Variants in VRK2 observed in about 807,000 individuals in gnomAD.
VRK2 encodes the protein VRK serine/threonine kinase 2.
In VRK2, 60 loss-of-function variants were observed where a neutral mutation model predicts 57.6. That is an observed-to-expected ratio of 1.04 (90% CI 0.85 to 1.29). The LOEUF is 1.29. VRK2 is among the 50% of genes most tolerant of loss of function. The probability of loss-of-function intolerance (pLI) is 0.00; values close to 1 mark genes in which losing one functional copy is unlikely to be tolerated. For synonymous variants in VRK2, 231 were observed against 199.2 expected, an observed-to-expected ratio of 1.16 and a Z score of -1.35; for missense variants, 705 against 588.1, an observed-to-expected ratio of 1.20 and a Z score of -2.06.
intron 1 of VRK2, among the ~76,000 whole-genome samples, chr2:57,955,827 G>A (rs1053273706): frequency 6.6e-6 from 1 of 152,010 alleles, no homozygotes. Context: ...GAAATATTAC[G>A]ATCATAATTT....
At chr2:58,048,190 C>T (rs1675153378) in intron 1 of VRK2, among the ~76,000 whole-genome samples, 1 of 152,172 alleles carries the variant, frequency 6.6e-6, no homozygotes, top group African/African-American at 2.4e-5. Context: ...TAAGGCAGGA[C>T]TGTTTTCACT....
At chr2:58,139,606 T>G in intron 10 of VRK2, 60 bp from the exon 11 acceptor site, 1 of 1,445,470 alleles carries the variant, frequency 6.9e-7, no homozygotes, top group Non-Finnish European at 9.5e-7. Flanking sequence ...TTGAGATTAC[T>G]GGAGTCTTGA....
chr2:58,090,968 A>G (rs183536700), intron 7 of VRK2, among the ~76,000 whole-genome samples: 28 of 152,352 alleles, frequency 1.8e-4, no homozygotes, highest in African/African-American at 6.5e-4. Context: ...GCTAGTTACT[A>G]TACAATTTCA....
At chr2:57,973,523 G>A (rs1211669437) in intron 1 of VRK2, among the ~76,000 whole-genome samples, 4 of 151,512 alleles carry the variant, frequency 2.6e-5, no homozygotes, top group African/African-American at 9.7e-5. Flanking sequence ...TCTATATAAC[G>A]AATTCTTTTT....
At chr2:58,120,629 T>G (rs1260244102) in intron 7 of VRK2, among the ~76,000 whole-genome samples, 1 of 152,132 alleles carries the variant, frequency 6.6e-6, no homozygotes, top group Non-Finnish European at 1.5e-5. Flanking sequence ...AACTTGACAG[T>G]CTTCTTCCTG....
At chr2:58,123,671 G>A (rs1444907355) in intron 8 of VRK2, among the ~76,000 whole-genome samples, 1 of 151,992 alleles carries the variant, frequency 6.6e-6, no homozygotes, top group African/African-American at 2.4e-5. Context: ...AGACCAGTTT[G>A]GGCAACATGG....
intron 7 of VRK2, among the ~76,000 whole-genome samples, chr2:58,109,292 C>A (rs946675857): frequency 6.6e-6 from 1 of 152,058 alleles, no homozygotes; most frequent in African/African-American, 2.4e-5. Context: ...CAGCCTTTAA[C>A]TGTGGAGCCA....
intron 10 of VRK2, among the ~76,000 whole-genome samples, chr2:58,136,704 A>G (rs929729577): frequency 3.3e-5 from 5 of 150,718 alleles, no homozygotes; most frequent in African/African-American, 1.2e-4. Flanking sequence ...ACTTTTACCA[A>G]GTTGTATAGT....
intron 1 of VRK2, among the ~76,000 whole-genome samples, chr2:57,948,701 G>A (rs1276764389): frequency 2.0e-5 from 3 of 152,004 alleles, no homozygotes. Flanking sequence ...TAATAATAAA[G>A]CCCACATAAG....
chr2:58,116,826 T>C (rs1356579546), intron 7 of VRK2, among the ~76,000 whole-genome samples: 1 of 152,206 alleles, frequency 6.6e-6, no homozygotes, highest in African/African-American at 2.4e-5. Flanking sequence ...GGAGGAATCC[T>C]GGGCTGCAGG....
chr2:57,988,489 A>T (rs946789600), intron 1 of VRK2, among the ~76,000 whole-genome samples: 6 of 152,200 alleles, frequency 3.9e-5, no homozygotes, highest in African/African-American at 1.4e-4. Flanking sequence ...AGAGATTAGC[A>T]TTTGAATCAG....
rs533095865 is a variant in VRK2 at position 57,918,773 on chromosome 2, G to A, written c.-439+10934G>A. On this transcript the variant is annotated intron_variant, in intron 1 of 15. Transcript: ENST00000417641. Reference sequence around the variant, plus strand: ...TTCTATTGAGTTAAGTAATCCAAAGGCATCTATTGAACTTTATAATCATGC... The same window carrying A: ...TTCTATTGAGTTAAGTAATCCAAAGACATCTATTGAACTTTATAATCATGC... Among the ~76,000 whole-genome samples, 23 of 152,112 alleles carry A rather than the reference G, an allele frequency of 1.5e-4. 2 individuals are homozygous for A. The highest frequency in any genetic ancestry group is 5.3e-4 in the African/African-American group (22 of 41,532).
chr2:58,119,122 G>T (rs1007569944), intron 7 of VRK2, among the ~76,000 whole-genome samples: 4 of 152,172 alleles, frequency 2.6e-5, no homozygotes, highest in Non-Finnish European at 5.9e-5. Flanking sequence ...TGGGCTCAGA[G>T]GCCTAACAGA....
At chr2:57,998,376 G>C (rs1672989547) in intron 1 of VRK2, among the ~76,000 whole-genome samples, 1 of 152,102 alleles carries the variant, frequency 6.6e-6, no homozygotes, top group Admixed American at 6.5e-5. Context: ...CCTTGATTTA[G>C]TAGCAGTTTT....
At chr2:57,985,085 T>C (rs1572937464) in intron 1 of VRK2, among the ~76,000 whole-genome samples, 1 of 152,046 alleles carries the variant, frequency 6.6e-6, no homozygotes, top group South Asian at 2.1e-4. Context: ...ATAAGTCTCT[T>C]GCTGAAGTGG....
At chr2:58,015,001 T>A (rs1381650453) in intron 1 of VRK2, among the ~76,000 whole-genome samples, 2 of 152,194 alleles carry the variant, frequency 1.3e-5, no homozygotes, top group African/African-American at 4.8e-5. Context: ...AATTTTAAGA[T>A]AATACATTTG....
intron 1 of VRK2, among the ~76,000 whole-genome samples, chr2:58,013,759 T>G (rs1673485877): frequency 6.9e-6 from 1 of 145,704 alleles, no homozygotes; most frequent in Admixed American, 7.2e-5. Context: ...CTCGGGAGGC[T>G]GAGGCAGGAG....
At chr2:58,068,945 A>T (rs1669009676) in intron 2 of VRK2, among the ~76,000 whole-genome samples, 1 of 149,644 alleles carries the variant, frequency 6.7e-6, no homozygotes, top group Non-Finnish European at 1.5e-5. Context: ...GTTTGTCTTT[A>T]TTTATTGAAA....
chr2:57,914,667 A>G (rs555885723), intron 1 of VRK2, among the ~76,000 whole-genome samples: 2 of 152,136 alleles, frequency 1.3e-5, no homozygotes, highest in Non-Finnish European at 2.9e-5. Context: ...TTACAGCAGC[A>G]ACAACAGATG....
Sources: allele counts gnomAD v4.1 joint callset (sites outside exome capture counted in the v4.1 genomes callset), GRCh38; gene constraint gnomAD v4.1.1; transcripts MANE v1.5; gene names NCBI Gene and HGNC (gene_info 2026-07-23, HGNC 2026-07-21).